GPHN: variants seen among roughly 807,000 people sequenced by gnomAD.
GPHN encodes the protein gephyrin.
GPHN carries 17 observed loss-of-function variants against 95.5 expected under a neutral mutation model. The observed-to-expected ratio is 0.18, with a 90% CI of 0.12 to 0.27. GPHN has a LOEUF of 0.27. GPHN is among the 10% of genes least tolerant of loss of function. The pLI is 1.00. For missense variants in GPHN, 660 were observed against 978.1 expected (o/e 0.67, Z 4.34); for synonymous variants, 320 against 322.5 (o/e 0.99, Z 0.08).
chr14:67,262,908 A>G, the GPHN span, among the ~76,000 whole-genome samples: 2 of 152,172 alleles, frequency 1.3e-5, no homozygotes, highest in African/African-American at 4.8e-5. Flanking sequence ...TTAAAAACCC[A>G]TTTCTAGCCA....
intron 4 of GPHN, among the ~76,000 whole-genome samples, chr14:66,833,295 A>G (rs1015116085): frequency 1.3e-5 from 2 of 152,198 alleles, no homozygotes; most frequent in African/African-American, 4.8e-5. Flanking sequence ...AAAGCCCCTT[A>G]TAAAAACATC....
At chr14:66,802,885 C>A (rs1254263840) in intron 3 of GPHN, among the ~76,000 whole-genome samples, 1 of 152,076 alleles carries the variant, frequency 6.6e-6, no homozygotes, top group Non-Finnish European at 1.5e-5. Flanking sequence ...GGAAGTGTCT[C>A]TTTTGGAGCC....
At chr14:67,631,632 A>G in the GPHN span, among the ~76,000 whole-genome samples, 2 of 151,902 alleles carry the variant, frequency 1.3e-5, no homozygotes, top group South Asian at 4.1e-4. Flanking sequence ...GGGTCTCACT[A>G]TGTTGCCCAG....
intron 12 of GPHN, among the ~76,000 whole-genome samples, chr14:67,096,308 T>G (rs1377113794): frequency 6.6e-6 from 1 of 152,148 alleles, no homozygotes; most frequent in African/African-American, 2.4e-5. Context: ...TCAGAGTACT[T>G]TCACATATGG....
intron 16 of GPHN, among the ~76,000 whole-genome samples, chr14:67,115,651 C>T (rs2078641938): frequency 1.3e-5 from 2 of 151,980 alleles, no homozygotes; most frequent in Admixed American, 6.6e-5. Context: ...AGAAGAATTG[C>T]TTGAACCCGG....
chr14:66,643,049 T>C (rs2064516952), intron 1 of GPHN, among the ~76,000 whole-genome samples: 1 of 152,036 alleles, frequency 6.6e-6, no homozygotes, highest in African/African-American at 2.4e-5. Context: ...TTGTAATACA[T>C]ATATCCAACA....
chr14:67,216,066 T>G, the GPHN span, among the ~76,000 whole-genome samples: 1 of 152,146 alleles, frequency 6.6e-6, no homozygotes, highest in Non-Finnish European at 1.5e-5. Context: ...CACACACGCC[T>G]CCCACCGTGT....
the GPHN span, chr14:67,412,157 C>G: frequency 1.8e-6 from 2 of 1,096,358 alleles, no homozygotes; most frequent in African/African-American, 3.3e-5. Flanking sequence ...CCCACGGCGC[C>G]CAGGAAGCAG....
chr14:67,151,421 TC>T (rs2081280915), intron 18 of GPHN, among the ~76,000 whole-genome samples: 1 of 152,188 alleles, frequency 6.6e-6, no homozygotes, highest in Non-Finnish European at 1.5e-5. Flanking sequence ...ATTTGTATCA[TC>T]CTTTTACAGA....
chr14:67,729,328 C>T, the GPHN span: 1 of 1,599,422 alleles, frequency 6.3e-7, no homozygotes, highest in African/African-American at 1.3e-5. Context: ...GCAGACCAGC[C>T]TGCACTGCGC....
the GPHN span, among the ~76,000 whole-genome samples, chr14:67,309,400 G>A: frequency 6.6e-6 from 1 of 151,988 alleles, no homozygotes; most frequent in Admixed American, 6.6e-5. Context: ...ATTTTCCTTA[G>A]GAAAAATTAA....
At chr14:66,752,932 G>GT (rs1471714129) in intron 2 of GPHN, among the ~76,000 whole-genome samples, 1 of 120,888 alleles carries the variant, frequency 8.3e-6, no homozygotes, top group East Asian at 2.6e-4. Context: ...AATAGGAGTG[G>GT]TTAAAAAAAA....
intron 4 of GPHN, among the ~76,000 whole-genome samples, chr14:66,832,762 C>A (rs547389332): frequency 2.4e-4 from 37 of 152,138 alleles, no homozygotes; most frequent in African/African-American, 8.7e-4. Context: ...ACAGTTTAAA[C>A]CTGGTACCAG....
At chr14:67,371,414 TC>T in the GPHN span, among the ~76,000 whole-genome samples, 1 of 151,182 alleles carries the variant, frequency 6.6e-6, no homozygotes, top group African/African-American at 2.4e-5. Flanking sequence ...AGCAAGACTG[TC>T]TCCCACCAAA....
At chr14:67,220,888 C>T in the GPHN span, among the ~76,000 whole-genome samples, 1 of 152,156 alleles carries the variant, frequency 6.6e-6, no homozygotes, top group African/African-American at 2.4e-5. Context: ...GGTGTATTTG[C>T]CAGTCCCCTT....
chr14:67,397,493 TA>T, the GPHN span, among the ~76,000 whole-genome samples: 1 of 152,258 alleles, frequency 6.6e-6, no homozygotes, highest in African/African-American at 2.4e-5. Flanking sequence ...GAGGTTTAGC[TA>T]CTTGTCCAAG....
At chr14:66,776,562 C>A in intron 3 of GPHN, 41 bp downstream of exon 3, 1 of 1,122,240 alleles carries the variant, frequency 8.9e-7, no homozygotes, top group South Asian at 1.2e-5. Context: ...CATTTAGCAT[C>A]TTGGTGAGGG....
chr14:67,445,771 G>A, the GPHN span, among the ~76,000 whole-genome samples: 1 of 151,346 alleles, frequency 6.6e-6, no homozygotes, highest in Non-Finnish European at 1.5e-5. Flanking sequence ...TTTTTTTGTA[G>A]AGATGGGATT....
chr14:66,727,379 T>A (rs149377521), intron 2 of GPHN, among the ~76,000 whole-genome samples: 2,267 of 152,178 alleles, frequency 0.015, 30 homozygotes, highest in Middle Eastern at 0.041. Flanking sequence ...CCCAAAAATG[T>A]GGAAGTGACT....
Sources: gnomAD v4.1 joint callset for allele counts (sites outside exome capture counted in the v4.1 genomes callset) on GRCh38, gnomAD v4.1.1 for gene constraint, MANE v1.5 for transcripts, NCBI Gene and HGNC (gene_info 2026-07-23, HGNC 2026-07-21) for gene names.